TCF7L2: variants seen among roughly 807,000 people sequenced by gnomAD.
TCF7L2 encodes the protein transcription factor 7 like 2, also known as transcription factor 7-like 2.
In TCF7L2, 23 loss-of-function variants were observed where a neutral mutation model predicts 77.9. The ratio of observed to expected loss-of-function variants is 0.30; its 90% CI spans 0.21 to 0.42. The LOEUF is 0.42. Ranked by LOEUF, TCF7L2 falls within the 10% of genes least tolerant of loss-of-function variation. TCF7L2 has a pLI of 1.00. For missense variants in TCF7L2, 654 were observed against 793.1 expected, an observed-to-expected ratio of 0.82 and a Z score of 2.11; for synonymous variants, 413 against 340.2, an observed-to-expected ratio of 1.21 and a Z score of -2.36.
intron 3 of TCF7L2, 125 bp from the exon 4 acceptor site, chr10:112,964,431 C>T (rs1386279650): frequency 2.6e-6 from 2 of 773,754 alleles, no homozygotes; most frequent in African/African-American, 3.4e-5. Context: ...GTACACAGGT[C>T]TTGATTGAAT....
chr10:113,080,911 A>G (rs1315751045), intron 5 of TCF7L2, among the ~76,000 whole-genome samples: 3 of 152,226 alleles, frequency 2.0e-5, no homozygotes, highest in East Asian at 1.9e-4. Flanking sequence ...AGAAAAGAGG[A>G]TATGTAATTG....
At chr10:113,107,635 T>C (rs896637374) in intron 5 of TCF7L2, among the ~76,000 whole-genome samples, 1 of 150,360 alleles carries the variant, frequency 6.7e-6, no homozygotes, top group African/African-American at 2.4e-5. Flanking sequence ...CCCAGCTACT[T>C]GGGAGGCTGA....
chr10:113,141,246 G>T lies in TCF7L2; in HGVS notation c.615G>T (p.Thr205=), dbSNP rs779476217. ...TCCACCCCCTCACGCCTCTTATCAC[G>T]TACAGCAATGAACACTTCACGCCGG... is the stretch of plus-strand genomic sequence containing the variant. The change falls in exon 6 of 14, where the codon ACG becomes ACT. Residue 205 remains threonine (T), a synonymous_variant. Transcript: ENST00000627217. The T allele has an allele frequency of 5.0e-6, 8 of 1,614,118 alleles. No homozygotes were observed. The highest frequency in any genetic ancestry group is 1.3e-5 in the African/African-American group (1 of 75,004).
At chr10:113,105,654 A>G (rs1426886482) in intron 5 of TCF7L2, among the ~76,000 whole-genome samples, 1 of 152,094 alleles carries the variant, frequency 6.6e-6, no homozygotes, top group Non-Finnish European at 1.5e-5. Flanking sequence ...CACACTTCCA[A>G]TTCTTGCTCA....
chr10:113,092,234 G>T (rs564946753), intron 5 of TCF7L2, among the ~76,000 whole-genome samples: 1 of 152,300 alleles, frequency 6.6e-6, no homozygotes, highest in South Asian at 2.1e-4. Context: ...TCCCAGGGAC[G>T]TGCCAAAATG....
At chr10:112,952,357 C>T (rs1485149550) in intron 3 of TCF7L2, among the ~76,000 whole-genome samples, 5 of 152,100 alleles carry the variant, frequency 3.3e-5, no homozygotes, top group South Asian at 2.1e-4. Flanking sequence ...TTTGGCAACC[C>T]GCAGGGCCGC....
At chr10:113,158,132 G>C in intron 12 of TCF7L2, 63 bp downstream of exon 12, 1 of 1,532,468 alleles carries the variant, frequency 6.5e-7, no homozygotes, top group Non-Finnish European at 8.9e-7. Flanking sequence ...TTTTATGTTA[G>C]GTTTCCATCT....
chr10:113,136,660 C>T (rs564565905), intron 5 of TCF7L2, among the ~76,000 whole-genome samples: 3 of 152,172 alleles, frequency 2.0e-5, no homozygotes, highest in South Asian at 2.1e-4. Context: ...TTCCCTTGCA[C>T]ATTGGGCTCT....
intron 5 of TCF7L2, among the ~76,000 whole-genome samples, chr10:113,123,917 CA>C (rs1428224743): frequency 6.6e-6 from 1 of 152,096 alleles, no homozygotes; most frequent in Non-Finnish European, 1.5e-5. Context: ...GGACCTATTC[CA>C]AAAACTTGTT....
intron 5 of TCF7L2, among the ~76,000 whole-genome samples, chr10:113,136,568 T>C (rs552002648): frequency 1.3e-5 from 2 of 152,310 alleles, no homozygotes; most frequent in South Asian, 2.1e-4. Flanking sequence ...CTGGCTGTAA[T>C]GATTTTGTAT....
intron 4 of TCF7L2, among the ~76,000 whole-genome samples, chr10:112,969,157 C>T (rs1036720808): frequency 6.6e-6 from 1 of 152,106 alleles, no homozygotes; most frequent in African/African-American, 2.4e-5. Context: ...CTCTCCCCTG[C>T]CCCCACTGAA....
chr10:113,086,862 A>G (rs1477054982), intron 5 of TCF7L2, among the ~76,000 whole-genome samples: 1 of 152,118 alleles, frequency 6.6e-6, no homozygotes, highest in Non-Finnish European at 1.5e-5. Flanking sequence ...ACCCCCCTAA[A>G]ATTGGAAGTC....
intron 5 of TCF7L2, among the ~76,000 whole-genome samples, chr10:113,118,933 C>T (rs1046774135): frequency 1.7e-4 from 26 of 151,926 alleles, no homozygotes; most frequent in Admixed American, 3.9e-4. Context: ...TTGTAATGAA[C>T]GCATTCAGAA....
chr10:113,148,389 G>T (rs1038774608), intron 8 of TCF7L2, among the ~76,000 whole-genome samples: 1 of 152,166 alleles, frequency 6.6e-6, no homozygotes, highest in Non-Finnish European at 1.5e-5. Context: ...AAATAAGGCA[G>T]GAAGAGATGA....
intron 4 of TCF7L2, among the ~76,000 whole-genome samples, chr10:113,032,462 A>G (rs1210236234): frequency 6.6e-6 from 1 of 152,194 alleles, no homozygotes; most frequent in African/African-American, 2.4e-5. Flanking sequence ...TTGGAAAACA[A>G]TTCAGTGTTT....
intron 5 of TCF7L2, among the ~76,000 whole-genome samples, chr10:113,121,875 C>T (rs914968270): frequency 2.0e-5 from 3 of 152,194 alleles, no homozygotes; most frequent in Non-Finnish European, 4.4e-5. Flanking sequence ...TGAGGCAGCC[C>T]TGACATTTGC....
rs188105974 is a variant in TCF7L2, at chr10:113,153,341, A to G, written c.1269+901A>G. Among the ~76,000 whole-genome samples the G allele has an allele frequency of 8.5e-5, 13 of 152,236 alleles. No individual in the cohort carries two copies. In the East Asian group the frequency reaches 2.5e-3, roughly 29 times the overall value. On this transcript the variant is annotated intron_variant, in intron 11 of 13. Coordinates refer to ENST00000627217, the MANE Select transcript of TCF7L2 (RefSeq NM_001146274.2). ...TTTGCCTGATACTTTATTTCATGAC[A>G]TTTGGTTCCGTGAAGGGATTTCACC...
chr10:113,106,665 A>G (rs565961274), intron 5 of TCF7L2, among the ~76,000 whole-genome samples: 27 of 152,366 alleles, frequency 1.8e-4, no homozygotes, highest in Admixed American at 5.9e-4. Context: ...GAATTGATAC[A>G]TAAAAAACAC....
At position 113,141,220 on chromosome 10, in the gene TCF7L2, G is replaced by A; in HGVS notation, c.589G>A (p.Val197Ile). Residue 197 changes from valine to isoleucine, a missense_variant, in exon 6 of 14, where the codon GTC (valine) becomes ATC (isoleucine). By Grantham distance (29) the Val-to-Ile change is conservative (BLOSUM62 3). This residue lies in a region of TCF7L2 where 179 missense variants were observed against 270.6 expected (regional missense o/e 0.66). Transcript: ENST00000627217. ...GCCAGTGGTGCAGCACCCTCACCAT[G>A]TCCACCCCCTCACGCCTCTTATCAC... 1.2e-6 allele frequency: 2 copies of A among 1,614,130 alleles called. No individual in the cohort carries two copies. Among genetic ancestry groups the A allele is most frequent in the South Asian group, 1.1e-5 (1 of 91,076 alleles).
Sources: gnomAD v4.1 joint callset for allele counts (sites outside exome capture counted in the v4.1 genomes callset) on GRCh38, gnomAD v4.1.1 for gene constraint, gnomAD v4.1.1 regional missense constraint, MANE v1.5 for transcripts, NCBI Gene and HGNC (gene_info 2026-07-23, HGNC 2026-07-21) for gene names.